ADI1: variants seen among roughly 807,000 people sequenced by gnomAD.
ADI1 encodes acireductone dioxygenase 1.
Under a neutral mutation model 18.7 loss-of-function variants are expected in ADI1, and 21 were observed. The ratio of observed to expected loss-of-function variants is 1.13; its 90% CI spans 0.80 to 1.62. The LOEUF is 1.62. Among genes scored for constraint, ADI1 ranks in the 40% most tolerant of loss-of-function variants. The pLI is 0.00. For missense variants in ADI1, 245 were observed against 254.9 expected (o/e 0.96, Z 0.26); for synonymous variants, 90 against 100.1 (o/e 0.90, Z 0.60).
intron 1 of ADI1, chr2:3,516,054 A>G: frequency 5.1e-6 from 5 of 982,256 alleles, no homozygotes; most frequent in African/African-American, 3.5e-5. Flanking sequence ...ATGACACATT[A>G]TATGACACGT....
rs1476848486 is a variant in ADI1 at position 3,498,927 on chromosome 2, C to A, written c.*36G>T. The A allele has an allele frequency of 7.0e-6, 11 of 1,581,966 alleles. No individual in the cohort carries two copies. The African/African-American group carries it at 8.1e-5, about 12-fold the overall frequency. ...TCTGCTCAGTCATTACATTGGGGAC[C>A]TTTACGAGGCACGTGTTAGTTCCCA... On this transcript the variant is annotated 3_prime_UTR_variant, in exon 4 of 4. Coordinates refer to ENST00000327435, the MANE Select transcript of ADI1 (RefSeq NM_018269.4).
At chr2:3,500,657 T>A (rs1381879919) in intron 3 of ADI1, 157 bp downstream of exon 3, 6 of 980,748 alleles carry the variant, frequency 6.1e-6, no homozygotes, top group Non-Finnish European at 7.8e-6. Context: ...GGACATCGCC[T>A]GCGGCTCCAC....
intron 1 of ADI1, among the ~76,000 whole-genome samples, chr2:3,514,474 T>C (rs1282693058): frequency 6.6e-6 from 1 of 152,188 alleles, no homozygotes; most frequent in African/African-American, 2.4e-5. Context: ...CCAGCTGACT[T>C]TTCTACTTCT....
intron 2 of ADI1, among the ~76,000 whole-genome samples, chr2:3,503,547 A>C (rs1163902574): frequency 6.6e-6 from 1 of 151,276 alleles, no homozygotes; most frequent in Admixed American, 6.6e-5. Context: ...ACACGTACAC[A>C]CTCACACACG....
chr2:3,514,520 C>T (rs1377673944), intron 1 of ADI1, among the ~76,000 whole-genome samples: 1 of 152,206 alleles, frequency 6.6e-6, no homozygotes, highest in Non-Finnish European at 1.5e-5. Context: ...AAGAACTCTA[C>T]ATTCTAAACC....
chr2:3,499,262 G>A (rs567954475), intron 3 of ADI1, among the ~76,000 whole-genome samples, 180 bp from the exon 4 acceptor site: 1 of 152,336 alleles, frequency 6.6e-6, no homozygotes, highest in South Asian at 2.1e-4. Flanking sequence ...TGTATCAGGT[G>A]GTGCAGCTGG....
chr2:3,499,177 A>AT, intron 3 of ADI1, 95 bp from the exon 4 acceptor site: 2 of 1,475,984 alleles, frequency 1.4e-6, no homozygotes, highest in South Asian at 2.7e-5. Context: ...ATTAATTGCT[A>AT]TAAACACTTT....
chr2:3,501,025 C>G, intron 2 of ADI1, 32 bp from the exon 3 acceptor site: 1 of 1,541,680 alleles, frequency 6.5e-7, no homozygotes, highest in Non-Finnish European at 8.8e-7. Context: ...TGTGAGTCTA[C>G]CAGAGACCTG....
chr2:3,501,139 G>T, intron 2 of ADI1, 146 bp from the exon 3 acceptor site: 1 of 679,142 alleles, frequency 1.5e-6, no homozygotes, highest in Non-Finnish European at 2.4e-6. Context: ...CACTTGCTAA[G>T]AATTATTTTC....
chr2:3,519,331 G>A (rs1170146864), intron 1 of ADI1, 37 bp downstream of exon 1: 3 of 1,355,990 alleles, frequency 2.2e-6, no homozygotes, highest in South Asian at 1.7e-5. Flanking sequence ...GGGGGTCGGC[G>A]TCGCCCGCAC....
At chr2:3,510,973 G>C (rs1572237734) in intron 2 of ADI1, among the ~76,000 whole-genome samples, 1 of 152,206 alleles carries the variant, frequency 6.6e-6, no homozygotes, top group African/African-American at 2.4e-5. Context: ...CTAAAACATT[G>C]ATATAGTTTG....
At chr2:3,518,432 C>A (rs1384134033) in intron 1 of ADI1, among the ~76,000 whole-genome samples, 6 of 152,242 alleles carry the variant, frequency 3.9e-5, no homozygotes, top group Non-Finnish European at 8.8e-5. Context: ...TGCAGTAAAC[C>A]TTTGTTACTG....
At chr2:3,516,660 G>T in intron 1 of ADI1, 1 of 861,812 alleles carries the variant, frequency 1.2e-6, no homozygotes, top group Non-Finnish European at 1.4e-6. Flanking sequence ...TCTATAAATT[G>T]CTGTTGTTTA....
chr2:3,504,123 G>A (rs1347585469), intron 2 of ADI1, among the ~76,000 whole-genome samples: 2 of 152,274 alleles, frequency 1.3e-5, no homozygotes, highest in East Asian at 1.9e-4. Flanking sequence ...CTTCCCCATG[G>A]AGAGACTTGA....
intron 2 of ADI1, among the ~76,000 whole-genome samples, chr2:3,508,201 G>A (rs776524978): frequency 5.3e-5 from 8 of 151,682 alleles, no homozygotes; most frequent in Non-Finnish European, 1.2e-4. Flanking sequence ...TGGGCGTGGT[G>A]GCAGGTGCCT....
intron 3 of ADI1, among the ~76,000 whole-genome samples, chr2:3,500,084 A>G (rs905347286): frequency 1.3e-5 from 2 of 151,804 alleles, no homozygotes; most frequent in Admixed American, 6.6e-5. Context: ...AAAAAAAAAA[A>G]GAATCCTGAC....
chr2:3,512,125 C>T (rs1484389953), intron 2 of ADI1, among the ~76,000 whole-genome samples: 1 of 152,238 alleles, frequency 6.6e-6, no homozygotes, highest in African/African-American at 2.4e-5. Flanking sequence ...AAATTTGCAA[C>T]TTGGCCACAT....
At chr2:3,516,605 TG>T in intron 1 of ADI1, 1 of 532,464 alleles carries the variant, frequency 1.9e-6, no homozygotes, top group Non-Finnish European at 2.4e-6. Flanking sequence ...CTAAATCTGC[TG>T]GCACCTTAAT....
chr2:3,507,870 A>C (rs1308694939), intron 2 of ADI1, among the ~76,000 whole-genome samples: 1 of 152,226 alleles, frequency 6.6e-6, no homozygotes, highest in African/African-American at 2.4e-5. Context: ...GCAACATTGT[A>C]AGAGATGGGA....
Sources: allele counts gnomAD v4.1 joint callset (sites outside exome capture counted in the v4.1 genomes callset), GRCh38; gene constraint gnomAD v4.1.1; transcripts MANE v1.5; gene names NCBI Gene and HGNC (gene_info 2026-07-23, HGNC 2026-07-21).